The following STK32B variants were observed in gnomAD, a reference collection of about 807,000 sequenced individuals.
STK32B encodes serine/threonine kinase 32B, also known as serine/threonine-protein kinase 32B.
In STK32B, 43 loss-of-function variants were observed where a neutral mutation model predicts 52.6. That is an observed-to-expected ratio of 0.82 (90% CI 0.64 to 1.05). The LOEUF (loss-of-function observed/expected upper bound fraction) is 1.05, where lower values mean the gene tolerates loss of function less well. STK32B is among the 50% of genes least tolerant of loss of function. The probability of loss-of-function intolerance (pLI) is 0.00; values close to 1 mark genes in which losing one functional copy is unlikely to be tolerated. For synonymous variants in STK32B, 238 were observed against 204.3 expected, an observed-to-expected ratio of 1.17 and a Z score of -1.41; for missense variants, 621 against 534.6, an observed-to-expected ratio of 1.16 and a Z score of -1.59.
At chr4:5,325,566 G>C (rs979320225) in intron 3 of STK32B, among the ~76,000 whole-genome samples, 7 of 152,026 alleles carry the variant, frequency 4.6e-5, no homozygotes, top group African/African-American at 1.7e-4. Flanking sequence ...CATTTCACAA[G>C]TCACCTGAAT....
chr4:5,486,327 G>C (rs1719197317), intron 11 of STK32B, among the ~76,000 whole-genome samples: 1 of 152,166 alleles, frequency 6.6e-6, no homozygotes, highest in Non-Finnish European at 1.5e-5. Context: ...CTTGCAGTTT[G>C]ATTTCAGACT....
intron 4 of STK32B, among the ~76,000 whole-genome samples, chr4:5,342,620 C>T (rs1479071733): frequency 6.6e-6 from 1 of 152,130 alleles, no homozygotes; most frequent in Non-Finnish European, 1.5e-5. Context: ...CCCCAGGATC[C>T]AATCACCTCC....
At chr4:5,048,850 G>C (rs1370635023), upstream of STK32B, among the ~76,000 whole-genome samples, 1 of 152,242 alleles carries the variant, frequency 6.6e-6, no homozygotes, top group African/African-American at 2.4e-5. Flanking sequence ...GGGTTGCTGT[G>C]AGGATGAGAA....
At chr4:5,184,219 A>G (rs1720565886) in intron 3 of STK32B, among the ~76,000 whole-genome samples, 2 of 152,118 alleles carry the variant, frequency 1.3e-5, no homozygotes, top group Admixed American at 6.6e-5. Flanking sequence ...CTTTCACTTG[A>G]GCACTCAGAG....
intron 6 of STK32B, among the ~76,000 whole-genome samples, chr4:5,419,750 C>A (rs1170738078): frequency 6.6e-6 from 1 of 152,174 alleles, no homozygotes; most frequent in African/African-American, 2.4e-5. Context: ...CAAATGCATC[C>A]ATGAGTTTTT....
intron 6 of STK32B, among the ~76,000 whole-genome samples, chr4:5,435,208 T>A (rs576839409): frequency 2.0e-5 from 3 of 152,304 alleles, no homozygotes; most frequent in South Asian, 4.1e-4. Flanking sequence ...AAGCTTTAGT[T>A]GTTGTTGTTG....
At chr4:5,260,070 TACAC>T (rs1172200699) in intron 3 of STK32B, among the ~76,000 whole-genome samples, 1 of 143,900 alleles carries the variant, frequency 6.9e-6, no homozygotes, top group Non-Finnish European at 1.5e-5. Flanking sequence ...TATGCAAACA[TACAC>T]ACATACACAC....
intron 3 of STK32B, among the ~76,000 whole-genome samples, chr4:5,274,298 G>T (rs931282735): frequency 6.6e-6 from 1 of 152,132 alleles, no homozygotes; most frequent in Non-Finnish European, 1.5e-5. Flanking sequence ...TAGATCAATA[G>T]AACAGAATTT....
intron 3 of STK32B, among the ~76,000 whole-genome samples, chr4:5,226,522 C>A (rs1185160972): frequency 6.6e-6 from 1 of 152,194 alleles, no homozygotes; most frequent in Non-Finnish European, 1.5e-5. Context: ...TCCATCCCAC[C>A]TGGGACGTGA....
Position 5,324,693 on chromosome 4 carries a change from G to A in STK32B, c.261-6527G>A, listed in dbSNP as rs1731757167. 2.0e-5 allele frequency among the ~76,000 whole-genome samples: 3 copies of A among 152,138 alleles called. No individual in the cohort carries two copies. In the South Asian group the frequency reaches 6.2e-4, roughly 31 times the overall value. On this transcript the variant is annotated intron_variant, in intron 3 of 11. Coordinates refer to ENST00000282908, the MANE Select transcript of STK32B (RefSeq NM_018401.3). ...CCACACATTGTCCAATGTTCCCAGG[G>A]GAGCAAAACTGCTCTGGGTTTGGGA...
intron 1 of STK32B, among the ~76,000 whole-genome samples, chr4:5,066,724 C>G (rs187349202): frequency 1.9e-4 from 29 of 152,316 alleles, no homozygotes; most frequent in Non-Finnish European, 3.7e-4. Flanking sequence ...TTATACTCTT[C>G]AACCACACAG....
At chr4:5,334,046 G>GAATCT (rs1237731875) in intron 4 of STK32B, among the ~76,000 whole-genome samples, 9 of 152,244 alleles carry the variant, frequency 5.9e-5, no homozygotes, top group Middle Eastern at 3.4e-3. Flanking sequence ...GGATGGCATA[G>GAATCT]AATCTATAAA....
At chr4:5,462,766 C>T (rs1717135802) in intron 9 of STK32B, among the ~76,000 whole-genome samples, 1 of 152,190 alleles carries the variant, frequency 6.6e-6, no homozygotes, top group Non-Finnish European at 1.5e-5. Context: ...CGGGACTGTA[C>T]TCATGAGATG....
intron 3 of STK32B, among the ~76,000 whole-genome samples, chr4:5,263,050 C>T (rs1726829193): frequency 6.7e-6 from 1 of 150,188 alleles, no homozygotes; most frequent in East Asian, 2.0e-4. Flanking sequence ...CTCTGTTTAG[C>T]ATCTTATTTT....
chr4:5,459,531 T>C (rs948424882), intron 8 of STK32B, among the ~76,000 whole-genome samples: 2 of 152,192 alleles, frequency 1.3e-5, no homozygotes, highest in African/African-American at 4.8e-5. Context: ...TTTTGGCAAG[T>C]TGGGAGGCCC....
At chr4:5,199,372 A>T (rs568762990) in intron 3 of STK32B, among the ~76,000 whole-genome samples, 145 of 152,290 alleles carry the variant, frequency 9.5e-4, no homozygotes, top group Non-Finnish European at 1.0e-3. Context: ...TGTCATTAGC[A>T]TATCTTTGTT....
chr4:5,485,204 T>TC (rs1393613790), intron 11 of STK32B, among the ~76,000 whole-genome samples: 2 of 152,170 alleles, frequency 1.3e-5, no homozygotes, highest in African/African-American at 4.8e-5. Flanking sequence ...GGTTCCATTC[T>TC]CCCCGTCACT....
intron 9 of STK32B, among the ~76,000 whole-genome samples, chr4:5,462,147 G>A (rs1717074962): frequency 6.6e-6 from 1 of 152,034 alleles, no homozygotes; most frequent in Non-Finnish European, 1.5e-5. Context: ...GCATTTGTGT[G>A]TACCCATGTG....
intron 3 of STK32B, among the ~76,000 whole-genome samples, chr4:5,228,372 T>A (rs1245208106): frequency 6.6e-6 from 1 of 152,232 alleles, no homozygotes; most frequent in East Asian, 1.9e-4. Context: ...TGCTGCAATT[T>A]CTTCTGCTGA....
Sources: gnomAD v4.1 joint callset for allele counts (sites outside exome capture counted in the v4.1 genomes callset) on GRCh38, gnomAD v4.1.1 for gene constraint, MANE v1.5 for transcripts, NCBI Gene and HGNC (gene_info 2026-07-23, HGNC 2026-07-21) for gene names.